Variants in ZDHHC9 observed in about 807,000 individuals in gnomAD.
ZDHHC9 encodes the protein zDHHC palmitoyltransferase 9.
ZDHHC9 carries 3 observed loss-of-function variants against 26.6 expected under a neutral mutation model. The ratio of observed to expected loss-of-function variants is 0.11; its 90% CI spans 0.05 to 0.29. The LOEUF (loss-of-function observed/expected upper bound fraction) is 0.29, where lower values mean the gene tolerates loss of function less well. Ranked by LOEUF, ZDHHC9 falls within the 10% of genes least tolerant of loss-of-function variation. ZDHHC9 has a pLI of 1.00. For synonymous variants in ZDHHC9, 111 were observed against 109.4 expected (o/e 1.01, Z -0.09); for missense variants, 146 against 296.4 (o/e 0.49, Z 3.73).
At chrX:129,828,721 T>C (rs1301033170) in intron 4 of ZDHHC9, among the ~76,000 whole-genome samples, 1 of 111,669 alleles carries the variant, frequency 9.0e-6, no homozygotes, top group Non-Finnish European at 1.9e-5. Flanking sequence ...ACCATCCTCC[T>C]GGGAACAATA....
intron 4 of ZDHHC9, among the ~76,000 whole-genome samples, chrX:129,824,825 G>A (rs1043374825): frequency 1.2e-4 from 14 of 112,031 alleles, no homozygotes; most frequent in Admixed American, 1.1e-3. Context: ...TGACATAGAC[G>A]AAAGAATGGT....
intron 3 of ZDHHC9, among the ~76,000 whole-genome samples, chrX:129,836,704 G>A (rs1928269200): frequency 8.9e-6 from 1 of 112,188 alleles, no homozygotes; most frequent in Non-Finnish European, 1.9e-5. Flanking sequence ...CCACAGCAGT[G>A]ATGATCCCTT....
At chrX:129,832,000 T>C (rs763612305) in intron 3 of ZDHHC9, among the ~76,000 whole-genome samples, 11 of 110,482 alleles carry the variant, frequency 1.0e-4, no homozygotes, top group Admixed American at 3.9e-4. Flanking sequence ...CTATATTGTA[T>C]ACCAGAAAAT....
At chrX:129,834,511 A>ATT (rs1928216815) in intron 3 of ZDHHC9, among the ~76,000 whole-genome samples, 1 of 112,118 alleles carries the variant, frequency 8.9e-6, no homozygotes, top group Non-Finnish European at 1.9e-5. Context: ...TTGCTCCAGT[A>ATT]GCAATAAAGA....
chrX:129,829,012 T>G lies in ZDHHC9; in HGVS notation c.297A>C (p.Pro99=). The G allele has an allele frequency of 8.3e-7, 1 of 1,211,867 alleles. No homozygotes were observed. Residue 99 remains proline, a synonymous_variant, in exon 4 of 11, where the codon CCA becomes CCC. Transcript: ENST00000357166. ...CCATTTCTATGAAAGCTGCTTCATC[T>G]GGTAGCGCCCGAGGAATCACTCCAG... ...SDPGVIPRAL[P]DEAAFIEMEI...
At chrX:129,821,353 C>T (rs1013541289) in intron 5 of ZDHHC9, among the ~76,000 whole-genome samples, 25 of 103,861 alleles carry the variant, frequency 2.4e-4, no homozygotes, top group Admixed American at 2.4e-3. Context: ...AGTGCAGTGG[C>T]GCGATCTTGG....
At chrX:129,811,357 T>C (rs771178284) in intron 9 of ZDHHC9, 49 bp downstream of exon 9, 31 of 1,068,399 alleles carry the variant, frequency 2.9e-5, no homozygotes, top group African/African-American at 3.7e-5. Flanking sequence ...CAGGATCAGG[T>C]TGAGCTGCTC....
chrX:129,817,347 G>A (rs190306252), intron 5 of ZDHHC9, among the ~76,000 whole-genome samples: 2 of 110,294 alleles, frequency 1.8e-5, no homozygotes, highest in South Asian at 4.0e-4. Context: ...AGCCAATCAC[G>A]AGGCTGAGGT....
At chrX:129,838,146 T>C (rs1044325029) in intron 3 of ZDHHC9, among the ~76,000 whole-genome samples, 1 of 112,499 alleles carries the variant, frequency 8.9e-6, no homozygotes, top group South Asian at 3.7e-4. Flanking sequence ...CATTATACCA[T>C]TTTTCACTCT....
At chrX:129,821,779 G>A (rs1200848979) in intron 5 of ZDHHC9, among the ~76,000 whole-genome samples, 4 of 108,528 alleles carry the variant, frequency 3.7e-5, no homozygotes, top group African/African-American at 6.7e-5. Context: ...AAAATTAGCC[G>A]GGCGTGGTGG....
chrX:129,813,608 GT>G (rs1431011858), intron 7 of ZDHHC9, 68 bp downstream of exon 7: 25 of 1,062,332 alleles, frequency 2.4e-5, no homozygotes, highest in African/African-American at 3.7e-5. Flanking sequence ...TGGGAGAACT[GT>G]GGGGAAAAAG....
In ZDHHC9 at chrX:129,805,517, T is replaced by G. The variant is rs780380620; in HGVS notation, c.*853A>C. ...TGACCAAAGTGCAGACTTTTATTACTGCCATTCCTGCTCCTAATGGGAGCA... is the reference window on the plus strand; with the variant it reads ...TGACCAAAGTGCAGACTTTTATTACGGCCATTCCTGCTCCTAATGGGAGCA... On this transcript the variant is annotated 3_prime_UTR_variant, in exon 11 of 11. Coordinates refer to ENST00000357166, the MANE Select transcript of ZDHHC9 (RefSeq NM_016032.4). 3.6e-5 allele frequency: 4 copies of G among 110,920 alleles called. No homozygotes were observed. Among genetic ancestry groups the G allele is most frequent in the African/African-American group, 1.3e-4 (4 of 30,413 alleles). 9.1% of individuals were successfully genotyped at this position (110,920 alleles called of 1,213,427 possible). A position where few individuals can be genotyped will look rare whatever the true frequency, so the allele number is the denominator to read the frequency against.
intron 5 of ZDHHC9, 146 bp from the exon 6 acceptor site, chrX:129,814,941 T>C (rs1385891316): frequency 1.8e-5 from 12 of 663,906 alleles, no homozygotes; most frequent in Admixed American, 3.9e-5. Flanking sequence ...TTTTTTACTT[T>C]TTCAAAATGT....
chrX:129,812,958 T>C (rs1312604323), intron 7 of ZDHHC9, 138 bp from the exon 8 acceptor site: 41 of 503,701 alleles, frequency 8.1e-5, no homozygotes, highest in Non-Finnish European at 8.8e-5. Context: ...TATATAACAA[T>C]AGATGAATTC....
chrX:129,817,121 C>T (rs954835923), intron 5 of ZDHHC9, among the ~76,000 whole-genome samples: 3 of 111,256 alleles, frequency 2.7e-5, no homozygotes, highest in African/African-American at 6.5e-5. Context: ...GTGAAATGCC[C>T]GCCTCAGCCT....
intron 4 of ZDHHC9, among the ~76,000 whole-genome samples, chrX:129,825,927 C>T (rs1276063143): frequency 9.0e-6 from 1 of 111,648 alleles, no homozygotes; most frequent in African/African-American, 3.3e-5. Context: ...GGGTATGACC[C>T]TTTAAAGTCC....
At chrX:129,817,881 G>A (rs1305268027) in intron 5 of ZDHHC9, among the ~76,000 whole-genome samples, 1 of 111,376 alleles carries the variant, frequency 9.0e-6, no homozygotes, top group African/African-American at 3.3e-5. Flanking sequence ...TAGACACTTG[G>A]GTTGGTTACA....
At chrX:129,815,654 G>A (rs1280016166) in intron 5 of ZDHHC9, among the ~76,000 whole-genome samples, 1 of 110,637 alleles carries the variant, frequency 9.0e-6, no homozygotes, top group Non-Finnish European at 1.9e-5. Context: ...AACTTCTCAT[G>A]TACACCATAA....
chrX:129,807,542 G>A (rs1927549589), intron 10 of ZDHHC9, among the ~76,000 whole-genome samples: 2 of 110,313 alleles, frequency 1.8e-5, no homozygotes, highest in South Asian at 3.8e-4. Context: ...AACAAGGGCC[G>A]AGTACGGTGG....
Sources: allele counts gnomAD v4.1 joint callset (sites outside exome capture counted in the v4.1 genomes callset), GRCh38; gene constraint gnomAD v4.1.1; transcripts MANE v1.5; gene names NCBI Gene and HGNC (gene_info 2026-07-23, HGNC 2026-07-21).